Variants in AK4 observed in about 807,000 individuals in gnomAD.
AK4 encodes adenylate kinase 4.
Under a neutral mutation model 24.6 loss-of-function variants are expected in AK4, and 13 were observed. The observed-to-expected ratio is 0.53, with a 90% confidence interval of 0.34 to 0.84. The LOEUF (loss-of-function observed/expected upper bound fraction) is 0.84, where lower values mean the gene tolerates loss of function less well. AK4 is among the 40% of genes least tolerant of loss of function. The probability of loss-of-function intolerance (pLI) is 0.01; values close to 1 mark genes in which losing one functional copy is unlikely to be tolerated. For synonymous variants in AK4, 88 were observed against 107.0 expected (o/e 0.82, Z 1.10); for missense variants, 192 against 288.2 (o/e 0.67, Z 2.42).
At chr1:65,164,939 G>A (rs773567429) in intron 1 of AK4, among the ~76,000 whole-genome samples, 7 of 152,214 alleles carry the variant, frequency 4.6e-5, no homozygotes, top group Non-Finnish European at 1.0e-4. Flanking sequence ...AGGGAGAACA[G>A]TTAAGAGGCT....
chr1:65,221,346 G>T (rs1362012680), intron 3 of AK4, among the ~76,000 whole-genome samples: 1 of 152,116 alleles, frequency 6.6e-6, no homozygotes, highest in African/African-American at 2.4e-5. Context: ...TCTTCGAGGG[G>T]CTAAGAATGG....
At chr1:65,173,373 G>T (rs1374896834) in intron 1 of AK4, among the ~76,000 whole-genome samples, 2 of 152,060 alleles carry the variant, frequency 1.3e-5, no homozygotes, top group Non-Finnish European at 2.9e-5. Context: ...TTTATATACC[G>T]AATTAGAAAG....
intron 4 of AK4, among the ~76,000 whole-genome samples, chr1:65,225,862 A>T (rs1404658774): frequency 6.6e-6 from 1 of 152,232 alleles, no homozygotes; most frequent in Admixed American, 6.5e-5. Flanking sequence ...CATGACAAGC[A>T]TACCAGAATT....
intron 1 of AK4, among the ~76,000 whole-genome samples, chr1:65,169,125 A>G (rs1650426620): frequency 6.7e-6 from 1 of 150,150 alleles, no homozygotes; most frequent in Non-Finnish European, 1.5e-5. Context: ...ACAGTGAGCT[A>G]TGATTGCACC....
At chr1:65,219,641 T>TAAATG (rs1426509428) in intron 3 of AK4, among the ~76,000 whole-genome samples, 3 of 152,174 alleles carry the variant, frequency 2.0e-5, no homozygotes, top group Non-Finnish European at 2.9e-5. Context: ...ACATAAAAAT[T>TAAATG]AAATGGAAAA....
At chr1:65,207,463 G>A (rs1651845573) in intron 2 of AK4, among the ~76,000 whole-genome samples, 1 of 152,132 alleles carries the variant, frequency 6.6e-6, no homozygotes, top group South Asian at 2.1e-4. Flanking sequence ...GTGGGTTCTA[G>A]AGCTCTCAGC....
At position 65,206,616 on chromosome 1, in the gene AK4, C is replaced by A. The variant is rs142287113; in HGVS notation, c.266-12138C>A. 1.9e-3 allele frequency among the ~76,000 whole-genome samples: 287 copies of A among 152,336 alleles called. 2 individuals carry two copies. The highest frequency in any genetic ancestry group is 0.015 in the Admixed American group (237 of 15,306). ...GCGCACACACACAAACACACACACA[C>A]AAAACCAATGTCCAGGTGTGGCGAT... On this transcript the variant is annotated intron_variant, in intron 2 of 4. Transcript: ENST00000327299.
In AK4 at chr1:65,230,561, A is replaced by T. The variant is rs768066609; in HGVS notation, c.*4384A>T. ...GGCTAATCAAATCCTCATCAATTACATATGTAATAATCTAAACTTGCCTCC... is the reference window on the plus strand; with the variant it reads ...GGCTAATCAAATCCTCATCAATTACTTATGTAATAATCTAAACTTGCCTCC... On this transcript the variant is annotated 3_prime_UTR_variant, in exon 5 of 5. Coordinates refer to ENST00000327299, the MANE Select transcript of AK4 (RefSeq NM_013410.4). The T allele has an allele frequency of 1.3e-5, 2 of 152,228 alleles. No homozygotes were observed. The highest frequency in any genetic ancestry group is 2.9e-5 in the Non-Finnish European group (2 of 68,030). 9.4% of individuals were successfully genotyped at this position (152,228 alleles called of 1,614,324 possible).
chr1:65,173,998 C>G (rs1433002216), intron 1 of AK4, among the ~76,000 whole-genome samples: 1 of 152,166 alleles, frequency 6.6e-6, no homozygotes, highest in Non-Finnish European at 1.5e-5. Flanking sequence ...CCATTCCCCA[C>G]ACACCCCTTC....
intron 1 of AK4, among the ~76,000 whole-genome samples, 193 bp from the exon 2 acceptor site, chr1:65,190,517 G>A (rs1232163984): frequency 6.6e-6 from 1 of 151,964 alleles, no homozygotes; most frequent in East Asian, 1.9e-4. Flanking sequence ...TTTTTTGGGA[G>A]ATAAATGTGT....
At chr1:65,202,484 T>G (rs1651691060) in intron 2 of AK4, among the ~76,000 whole-genome samples, 2 of 152,250 alleles carry the variant, frequency 1.3e-5, no homozygotes, top group Admixed American at 1.3e-4. Context: ...GTGGTTTCTC[T>G]GTATTTGGGT....
chr1:65,218,526 A>T (rs1367690260), intron 2 of AK4, among the ~76,000 whole-genome samples: 1 of 152,216 alleles, frequency 6.6e-6, no homozygotes, highest in African/African-American at 2.4e-5. Context: ...GCTCATTTTT[A>T]AAAAATAATT....
At chr1:65,172,167 C>T (rs1258407793) in intron 1 of AK4, among the ~76,000 whole-genome samples, 2 of 143,996 alleles carry the variant, frequency 1.4e-5, no homozygotes, top group East Asian at 2.0e-4. Flanking sequence ...GTAAGCTTTA[C>T]GTTTTTTAAA....
In AK4 at chr1:65,219,524, A is replaced by G. The variant is rs956543245; in HGVS notation, c.438+598A>G. On this transcript the variant is annotated intron_variant, in intron 3 of 4. Transcript: ENST00000327299. ...CATCTGTAGTGGAATGGTTAAATAC[A>G]TTGGAGAATATTTATACCATCTTGG... Among the ~76,000 whole-genome samples the G allele has an allele frequency of 7.9e-5, 12 of 152,314 alleles. 3 individuals are homozygous for G.
At chr1:65,214,370 C>A (rs1652060070) in intron 2 of AK4, among the ~76,000 whole-genome samples, 1 of 152,086 alleles carries the variant, frequency 6.6e-6, no homozygotes, top group Non-Finnish European at 1.5e-5. Context: ...CTTGGCCTCC[C>A]AGAGTGCTAG....
chr1:65,218,787 T>G lies in AK4; in HGVS notation c.299T>G (p.Leu100Arg). Reference sequence around the variant, plus strand: ...AGGACATTAGGACAAGCCGAAGCCCTGGACAAAATCTGTGAAGTGGATCTA... The same window carrying G: ...AGGACATTAGGACAAGCCGAAGCCCGGGACAAAATCTGTGAAGTGGATCTA... ...FPRTLGQAEA[L>R]DKICEVDLVI... Residue 100 changes from leucine (L) to arginine (R), a missense_variant, in exon 3 of 5, where the codon CTG becomes CGG. Coordinates refer to ENST00000327299, the MANE Select transcript of AK4 (RefSeq NM_013410.4). The G allele has an allele frequency of 6.3e-7, 1 of 1,592,226 alleles. No individual in the cohort carries two copies. The highest frequency in any genetic ancestry group is 8.5e-7 in the Non-Finnish European group (1 of 1,171,984).
chr1:65,214,025 C>T (rs1353083555), intron 2 of AK4, among the ~76,000 whole-genome samples: 2 of 152,184 alleles, frequency 1.3e-5, no homozygotes, highest in African/African-American at 2.4e-5. Flanking sequence ...TGGTCTTGGA[C>T]TTATAGCTTC....
At chr1:65,175,070 C>A (rs1557446021) in intron 1 of AK4, among the ~76,000 whole-genome samples, 1 of 152,078 alleles carries the variant, frequency 6.6e-6, no homozygotes, top group Non-Finnish European at 1.5e-5. Context: ...TTTTAAACAA[C>A]CAAAATAGTG....
Position 65,201,365 on chromosome 1 carries a change from G to A in AK4, c.265+10536G>A, listed in dbSNP as rs555511518. 3.3e-5 allele frequency among the ~76,000 whole-genome samples: 5 copies of A among 152,214 alleles called. No homozygotes were observed. In the South Asian group the frequency reaches 6.2e-4, roughly 19 times the overall value. On this transcript the variant is annotated intron_variant, in intron 2 of 4. Transcript: ENST00000327299. The stretch of plus-strand genomic sequence containing the variant: ...TGATTGAACTGACTGCTGCTTTGGG[G>A]TGAGGAACAGTTGTACCACAGTATA...
Sources: allele counts gnomAD v4.1 joint callset (sites outside exome capture counted in the v4.1 genomes callset), GRCh38; gene constraint gnomAD v4.1.1; transcripts MANE v1.5; gene names NCBI Gene and HGNC (gene_info 2026-07-23, HGNC 2026-07-21).